The following HS6ST3 variants were observed in gnomAD, a reference collection of about 807,000 sequenced individuals.
HS6ST3 encodes the protein heparan sulfate 6-O-sulfotransferase 3.
Under a neutral mutation model 36.7 loss-of-function variants are expected in HS6ST3, and 12 were observed. The observed-to-expected ratio is 0.33, with a 90% CI of 0.21 to 0.53. HS6ST3 has a LOEUF of 0.53. Ranked by LOEUF, HS6ST3 falls within the 20% of genes least tolerant of loss-of-function variation. The probability of loss-of-function intolerance (pLI) is 0.95; values close to 1 mark genes in which losing one functional copy is unlikely to be tolerated. For synonymous variants in HS6ST3, 240 were observed against 257.5 expected, an observed-to-expected ratio of 0.93 and a Z score of 0.65; for missense variants, 584 against 640.9, an observed-to-expected ratio of 0.91 and a Z score of 0.96.
intron 1 of HS6ST3, among the ~76,000 whole-genome samples, chr13:96,632,695 A>G (rs1335500299): frequency 3.3e-5 from 5 of 152,310 alleles, no homozygotes; most frequent in African/African-American, 1.2e-4. Flanking sequence ...ACAGTATATG[A>G]CATAAACAGG....
chr13:96,755,953 T>C (rs997849643), intron 1 of HS6ST3, among the ~76,000 whole-genome samples: 3 of 152,192 alleles, frequency 2.0e-5, no homozygotes, highest in Admixed American at 6.5e-5. Context: ...CCCAACTGTG[T>C]GCGTACCATT....
intron 1 of HS6ST3, among the ~76,000 whole-genome samples, chr13:96,346,756 C>T (rs761200320): frequency 1.2e-4 from 19 of 152,142 alleles, no homozygotes; most frequent in Admixed American, 6.5e-4. Flanking sequence ...TCACAGATGG[C>T]GCCCAGAGAT....
intron 1 of HS6ST3, among the ~76,000 whole-genome samples, chr13:96,483,194 C>T (rs900192874): frequency 1.3e-5 from 2 of 152,136 alleles, no homozygotes; most frequent in African/African-American, 2.4e-5. Flanking sequence ...TGGGAATGGT[C>T]AGATTTTGCA....
chr13:96,815,816 A>G (rs965662783), intron 1 of HS6ST3, among the ~76,000 whole-genome samples: 6 of 152,160 alleles, frequency 3.9e-5, no homozygotes, highest in South Asian at 2.1e-4. Context: ...TTTAAGGTCA[A>G]AATGTATTTT....
intron 1 of HS6ST3, among the ~76,000 whole-genome samples, chr13:96,590,297 C>T (rs1594813495): frequency 6.6e-6 from 1 of 152,098 alleles, no homozygotes. Context: ...AATTTACATT[C>T]CCACCAACAG....
intron 1 of HS6ST3, among the ~76,000 whole-genome samples, chr13:96,207,940 A>G (rs1053296910): frequency 6.6e-6 from 1 of 152,196 alleles, no homozygotes; most frequent in Non-Finnish European, 1.5e-5. Context: ...GCATACATTT[A>G]CCTATGTAAC....
chr13:96,534,465 G>A (rs1216146525), intron 1 of HS6ST3, among the ~76,000 whole-genome samples: 1 of 152,178 alleles, frequency 6.6e-6, no homozygotes, highest in Non-Finnish European at 1.5e-5. Context: ...ATCCCGTGTG[G>A]TTGTTAGGGG....
Position 96,637,726 on chromosome 13 carries a change from G to A in HS6ST3, c.708-194764G>A, listed in dbSNP as rs973780463. On this transcript the variant is annotated intron_variant, in intron 1 of 1. Transcript: ENST00000376705. ...CAGTGGTGAACAAAAATGGAGGAAAGAGAGTAAACAAATAAAAAAAACAAT... is the reference window on the plus strand; with the variant it reads ...CAGTGGTGAACAAAAATGGAGGAAAAAGAGTAAACAAATAAAAAAAACAAT... Among the ~76,000 whole-genome samples, 4 of 152,176 alleles carry A rather than the reference G, an allele frequency of 2.6e-5. No homozygotes were observed. The East Asian group carries it at 7.7e-4, about 29-fold the overall frequency.
At chr13:96,310,695 C>G (rs1007580481) in intron 1 of HS6ST3, among the ~76,000 whole-genome samples, 22 of 137,852 alleles carry the variant, frequency 1.6e-4, no homozygotes, top group African/African-American at 5.8e-4. Flanking sequence ...CTATCTCCTT[C>G]CCTTCCCACT....
At chr13:96,812,409 TG>T (rs1364255332) in intron 1 of HS6ST3, among the ~76,000 whole-genome samples, 2 of 152,152 alleles carry the variant, frequency 1.3e-5, no homozygotes, top group Non-Finnish European at 2.9e-5. Flanking sequence ...TTTGAGCCCT[TG>T]CTTTAATCCA....
intron 1 of HS6ST3, among the ~76,000 whole-genome samples, chr13:96,158,889 G>C (rs2054123162): frequency 6.6e-6 from 1 of 152,030 alleles, no homozygotes; most frequent in South Asian, 2.1e-4. Flanking sequence ...GGGAGAGCAA[G>C]AGCCAGGGTC....
intron 1 of HS6ST3, among the ~76,000 whole-genome samples, chr13:96,701,813 T>G (rs748700955): frequency 6.6e-5 from 10 of 151,924 alleles, no homozygotes; most frequent in Non-Finnish European, 1.3e-4. Context: ...AATACAAAAA[T>G]TAGCCAGGCA....
At position 96,380,072 on chromosome 13, in the gene HS6ST3, C is replaced by T. The variant is rs143384104; in HGVS notation, c.707+288503C>T. On this transcript the variant is annotated intron_variant, in intron 1 of 1. Coordinates refer to ENST00000376705, the MANE Select transcript of HS6ST3 (RefSeq NM_153456.4). Reference sequence around the variant, plus strand: ...TTACTCAGACAGAAAATTTCCTTTCCACATCCTTGATAGGTAGTCATTGAA... The same window carrying T: ...TTACTCAGACAGAAAATTTCCTTTCTACATCCTTGATAGGTAGTCATTGAA... Among the ~76,000 whole-genome samples the T allele has an allele frequency of 3.1e-3, 478 of 152,156 alleles. 6 individuals carry two copies. Among genetic ancestry groups the T allele is most frequent in the African/African-American group, 0.011 (452 of 41,506 alleles).
intron 1 of HS6ST3, among the ~76,000 whole-genome samples, chr13:96,661,322 A>G (rs2056645626): frequency 6.6e-6 from 1 of 152,124 alleles, no homozygotes; most frequent in Admixed American, 6.6e-5. Flanking sequence ...GTGCTCCAGT[A>G]TTGGGTGCAT....
intron 1 of HS6ST3, among the ~76,000 whole-genome samples, chr13:96,467,318 G>A (rs981785853): frequency 4.6e-5 from 7 of 152,174 alleles, no homozygotes; most frequent in Non-Finnish European, 8.8e-5. Context: ...ATCTTAGCAC[G>A]TGGCACAGTC....
intron 1 of HS6ST3, among the ~76,000 whole-genome samples, chr13:96,631,161 G>T (rs558869993): frequency 6.6e-6 from 1 of 152,080 alleles, no homozygotes; most frequent in Non-Finnish European, 1.5e-5. Flanking sequence ...GATATATCAG[G>T]CAGGCACCTT....
At chr13:96,398,256 T>A (rs2055432176) in intron 1 of HS6ST3, among the ~76,000 whole-genome samples, 1 of 152,164 alleles carries the variant, frequency 6.6e-6, no homozygotes. Flanking sequence ...TTGTCTCATT[T>A]TAGTTCTTAA....
intron 1 of HS6ST3, among the ~76,000 whole-genome samples, chr13:96,584,711 G>A (rs2056354462): frequency 6.6e-6 from 1 of 152,182 alleles, no homozygotes; most frequent in African/African-American, 2.4e-5. Flanking sequence ...GCAGCCTTGA[G>A]CTCCTGGAGA....
At chr13:96,683,451 C>T (rs2138439289) in intron 1 of HS6ST3, among the ~76,000 whole-genome samples, 1 of 152,124 alleles carries the variant, frequency 6.6e-6, no homozygotes, top group Non-Finnish European at 1.5e-5. Context: ...ATGTTTAAGA[C>T]ATTGTAAGAG....
Sources: gnomAD v4.1 joint callset for allele counts (sites outside exome capture counted in the v4.1 genomes callset) on GRCh38, gnomAD v4.1.1 for gene constraint, MANE v1.5 for transcripts, NCBI Gene and HGNC (gene_info 2026-07-23, HGNC 2026-07-21) for gene names.